BICD1: variants seen among roughly 807,000 people sequenced by gnomAD.
The protein encoded by BICD1 is BICD cargo adaptor 1.
BICD1 carries 35 observed loss-of-function variants against 92.5 expected under a neutral mutation model. The ratio of observed to expected loss-of-function variants is 0.38; its 90% confidence interval spans 0.29 to 0.50. BICD1 has a LOEUF of 0.50. Ranked by LOEUF, BICD1 falls within the 20% of genes least tolerant of loss-of-function variation. The pLI, the probability that BICD1 is intolerant of heterozygous loss-of-function variation, is 0.93. For missense variants in BICD1, 950 were observed against 1,189.8 expected (o/e 0.80, Z 2.97); for synonymous variants, 429 against 465.1 (o/e 0.92, Z 1.00).
chr12:32,165,613 A>T (rs1339583131), intron 1 of BICD1, among the ~76,000 whole-genome samples: 2 of 150,388 alleles, frequency 1.3e-5, no homozygotes, highest in South Asian at 4.2e-4. Flanking sequence ...TGAACCAGGG[A>T]GTCGGAGATT....
chr12:32,280,786 A>G (rs1300910804), intron 2 of BICD1, among the ~76,000 whole-genome samples: 1 of 152,218 alleles, frequency 6.6e-6, no homozygotes, highest in African/African-American at 2.4e-5. Flanking sequence ...CCCTTTTTAC[A>G]GCCGTCCAGC....
At chr12:32,209,952 G>A (rs3850981) in intron 1 of BICD1, among the ~76,000 whole-genome samples, 11,527 of 152,202 alleles carry the variant, frequency 0.076, 530 homozygotes, top group South Asian at 0.18. Flanking sequence ...CAAAAGCTCA[G>A]TAGCCATGTG....
rs1217858569 is a variant in BICD1 at position 32,379,652 on chromosome 12, C to T, written c.*2025C>T. On this transcript the variant is annotated 3_prime_UTR_variant, in exon 10 of 10. Coordinates refer to ENST00000652176, the MANE Select transcript of BICD1 (RefSeq NM_001714.4). ...GAAAGAAAGCTTACCCCTGCCCTCA[C>T]TTTGTGTTTTTTATTTTTCCCCCTT... The T allele has an allele frequency of 6.6e-6, 1 of 152,212 alleles. No individual in the cohort carries two copies. Among genetic ancestry groups the T allele is most frequent in the Non-Finnish European group, 1.5e-5 (1 of 68,048 alleles). 9.4% of individuals were successfully genotyped at this position (152,212 alleles called of 1,614,324 possible).
intron 2 of BICD1, chr12:32,228,260 T>A (rs988537953): frequency 6.6e-6 from 1 of 152,452 alleles, no homozygotes; most frequent in African/African-American, 2.4e-5. Context: ...CATATAAATG[T>A]CCAATTGTCC....
At chr12:32,120,536 A>C (rs1280552362) in intron 1 of BICD1, among the ~76,000 whole-genome samples, 1 of 152,192 alleles carries the variant, frequency 6.6e-6, no homozygotes, top group Non-Finnish European at 1.5e-5. Flanking sequence ...TTAGTCATCA[A>C]TTTTTGAAAC....
intron 7 of BICD1, chr12:32,338,487 C>T (rs962999433): frequency 8.4e-5 from 21 of 249,196 alleles, no homozygotes; most frequent in African/African-American, 2.5e-4. Flanking sequence ...CCTGTATTTT[C>T]GGTTAATGGT....
At chr12:32,176,794 A>C (rs892556729) in intron 1 of BICD1, among the ~76,000 whole-genome samples, 3 of 152,018 alleles carry the variant, frequency 2.0e-5, no homozygotes, top group Non-Finnish European at 4.4e-5. Context: ...AATGTCCCAC[A>C]TTTTTGTTTA....
At chr12:32,206,578 C>T (rs1306946343) in intron 1 of BICD1, among the ~76,000 whole-genome samples, 3 of 152,254 alleles carry the variant, frequency 2.0e-5, no homozygotes, top group East Asian at 3.9e-4. Flanking sequence ...TGCACTCCAG[C>T]CTGGGAGACA....
intron 2 of BICD1, among the ~76,000 whole-genome samples, chr12:32,282,789 A>G (rs1947456071): frequency 6.6e-6 from 1 of 152,186 alleles, no homozygotes; most frequent in Admixed American, 6.5e-5. Context: ...TCCAAAAGCA[A>G]CACATGCTGT....
intron 2 of BICD1, among the ~76,000 whole-genome samples, chr12:32,281,315 G>T (rs537994659): frequency 1.3e-5 from 2 of 152,290 alleles, no homozygotes; most frequent in South Asian, 2.1e-4. Context: ...CTGGGAAGAT[G>T]CTGATTACAT....
intron 1 of BICD1, among the ~76,000 whole-genome samples, chr12:32,148,662 T>C (rs370085149): frequency 1.1e-3 from 164 of 152,300 alleles, no homozygotes; most frequent in African/African-American, 3.6e-3. Context: ...GAACCCTCCC[T>C]GTATGACCAT....
At chr12:32,239,607 G>A (rs999261869) in intron 2 of BICD1, among the ~76,000 whole-genome samples, 1 of 151,194 alleles carries the variant, frequency 6.6e-6, no homozygotes, top group African/African-American at 2.4e-5. Flanking sequence ...AGTGTTTTTG[G>A]TTTTGTTTTT....
intron 1 of BICD1, among the ~76,000 whole-genome samples, chr12:32,121,237 G>C (rs1344911025): frequency 6.6e-6 from 1 of 151,630 alleles, no homozygotes; most frequent in Non-Finnish European, 1.5e-5. Flanking sequence ...TGGGAGTACA[G>C]GCGTGAGCCA....
chr12:32,196,184 AT>A (rs976118102), intron 1 of BICD1, among the ~76,000 whole-genome samples: 2 of 152,218 alleles, frequency 1.3e-5, no homozygotes, highest in African/African-American at 4.8e-5. Flanking sequence ...ATTTTTGTAT[AT>A]TGTTGGTGGA....
intron 1 of BICD1, among the ~76,000 whole-genome samples, chr12:32,115,913 G>A (rs1467944960): frequency 6.6e-6 from 1 of 152,154 alleles, no homozygotes; most frequent in African/African-American, 2.4e-5. Flanking sequence ...GGATGATTCA[G>A]GCAGTTGGGC....
chr12:32,209,677 G>A (rs558127919), intron 1 of BICD1, among the ~76,000 whole-genome samples: 68 of 152,280 alleles, frequency 4.5e-4, no homozygotes, highest in Non-Finnish European at 8.7e-4. Flanking sequence ...TGGCAGTGCT[G>A]TAATTCTTGC....
intron 9 of BICD1, among the ~76,000 whole-genome samples, chr12:32,377,034 T>G (rs1939999375): frequency 1.3e-5 from 2 of 152,286 alleles, no homozygotes. Context: ...CTCCAAAGCC[T>G]TGGTCAACCT....
intron 1 of BICD1, among the ~76,000 whole-genome samples, chr12:32,183,774 G>A (rs1470499524): frequency 6.6e-6 from 1 of 152,178 alleles, no homozygotes; most frequent in Non-Finnish European, 1.5e-5. Context: ...AAGGCCAACT[G>A]GGAGAGTCAT....
At chr12:32,373,867 G>A (rs1939829918) in intron 9 of BICD1, among the ~76,000 whole-genome samples, 1 of 150,294 alleles carries the variant, frequency 6.7e-6, no homozygotes, top group Admixed American at 6.6e-5. Flanking sequence ...GCGACAGTTT[G>A]AGACTGTCTC....
Sources: gnomAD v4.1 joint callset for allele counts (sites outside exome capture counted in the v4.1 genomes callset) on GRCh38, gnomAD v4.1.1 for gene constraint, MANE v1.5 for transcripts, NCBI Gene and HGNC (gene_info 2026-07-23, HGNC 2026-07-21) for gene names.